Variants in ZNF483 observed in about 807,000 individuals in gnomAD.
The protein encoded by ZNF483 is zinc finger protein 483, also known as zinc finger protein HIT-10.
ZNF483 carries 9 observed loss-of-function variants against 28.6 expected under a neutral mutation model. That is an observed-to-expected ratio of 0.32 (90% CI 0.19 to 0.55). The LOEUF is 0.55. Ranked by LOEUF, ZNF483 falls within the 20% of genes least tolerant of loss-of-function variation. The pLI is 0.93. For synonymous variants in ZNF483, 322 were observed against 306.2 expected, an observed-to-expected ratio of 1.05 and a Z score of -0.54; for missense variants, 675 against 871.7, an observed-to-expected ratio of 0.77 and a Z score of 2.84.
In ZNF483 at chr9:111,535,900, C is replaced by CTT. The variant is rs571414598; in HGVS notation, c.721+1560_721+1561dup. On this transcript the variant is annotated intron_variant, in intron 5 of 5. Coordinates refer to ENST00000309235, the MANE Select transcript of ZNF483 (RefSeq NM_133464.5). ...CTTACAATTTATATATATTATTATT[C>CTT]TTTTTTTTTTTTTTGAGACAGAGTT... Among the ~76,000 whole-genome samples the CTT allele has an allele frequency of 1.0e-3, 137 of 132,166 alleles. 2 individuals carry two copies. Among genetic ancestry groups the CTT allele is most frequent in the Admixed American group, 1.7e-3 (22 of 12,934 alleles). The allele number at this position is 132,166 out of a possible 152,430, so 86.7% of individuals were successfully genotyped here.
At chr9:111,556,414 T>C (rs1046743054), downstream of ZNF483, among the ~76,000 whole-genome samples, 5 of 152,238 alleles carry the variant, frequency 3.3e-5, no homozygotes, top group African/African-American at 1.2e-4. Context: ...AGCTCCACTG[T>C]GTAGGGGGCT....
chr9:111,534,642 G>A (rs1234538082), intron 5 of ZNF483, among the ~76,000 whole-genome samples: 1 of 151,680 alleles, frequency 6.6e-6, no homozygotes, highest in Non-Finnish European at 1.5e-5. Context: ...CATAATGCTG[G>A]TCTAACCCCT....
chr9:111,539,376 G>A, intron 5 of ZNF483: 1 of 451,256 alleles, frequency 2.2e-6, no homozygotes. Flanking sequence ...CTCCTCATGT[G>A]TCATTTAAAG....
At position 111,553,546 on chromosome 9, in the gene ZNF483, G is replaced by GA. The variant is rs541993481; in HGVS notation, c.*10385dup. ...CATTGTGATTTTACATCCGTGCATA[G>GA]AAAAAAAAATCATCTGAACTCAAAT... On this transcript the variant is annotated 3_prime_UTR_variant, in exon 6 of 6. Coordinates refer to ENST00000309235, the MANE Select transcript of ZNF483 (RefSeq NM_133464.5). Among the ~76,000 whole-genome samples the GA allele has an allele frequency of 4.0e-5, 6 of 150,988 alleles. No homozygotes were observed. Among genetic ancestry groups the GA allele is most frequent in the East Asian group, 1.9e-4 (1 of 5,176 alleles).
At chr9:111,538,329 G>A (rs1326300336) in intron 5 of ZNF483, among the ~76,000 whole-genome samples, 1 of 151,982 alleles carries the variant, frequency 6.6e-6, no homozygotes, top group Non-Finnish European at 1.5e-5. Flanking sequence ...AGCCTGGGCA[G>A]CATAGTGAGA....
Position 111,576,599 on chromosome 9 carries a change from G to C in ZNF483, c.*185G>C, listed in dbSNP as rs1031393468. 2.8e-5 allele frequency: 17 copies of C among 605,632 alleles called. No homozygotes were observed. The African/African-American group carries it at 3.2e-4, about 11-fold the overall frequency. 37.5% of individuals were successfully genotyped at this position (605,632 alleles called of 1,614,324 possible). On this transcript the variant is annotated 3_prime_UTR_variant, in exon 6 of 6. Coordinates refer to the ZNF483 transcript ENST00000358151. Reference sequence around the variant, plus strand: ...ACTTAACACTTCTGAACCTCCTTTTGTCTTTCATAAAATAAAAGCTACTAG... The same window carrying C: ...ACTTAACACTTCTGAACCTCCTTTTCTCTTTCATAAAATAAAAGCTACTAG...
rs905262787 is a variant in ZNF483 at position 111,554,235 on chromosome 9, C to T, written c.*11065C>T. The stretch of plus-strand genomic sequence containing the variant: ...AGTTAATGGGTTTTTTGTTTGTTTG[C>T]CTGGGAGCATTGTGGAAAAATGGCC... On this transcript the variant is annotated 3_prime_UTR_variant, in exon 6 of 6. Transcript: ENST00000309235. Among the ~76,000 whole-genome samples, 2 of 152,062 alleles carry T rather than the reference C, an allele frequency of 1.3e-5. No homozygotes were observed. The highest frequency in any genetic ancestry group is 2.4e-5 in the African/African-American group (1 of 41,396).
Position 111,542,430 on chromosome 9 carries a change from G to T in ZNF483, c.1495G>T (p.Asp499Tyr). 6.2e-7 allele frequency: 1 copy of T among 1,614,138 alleles called. No individual in the cohort carries two copies. The highest frequency in any genetic ancestry group is 8.5e-7 in the Non-Finnish European group (1 of 1,180,018). Residue 499 changes from aspartate (D) to tyrosine (Y), a missense_variant, in exon 6 of 6, where the codon GAC becomes TAC. Transcript: ENST00000309235. This position sits in a 1 kb window ranked among gnomAD's most constrained non-coding sequence, Gnocchi z 6.2. ...HSGEKPFKCDDCGKGFTLSAH... is the reference protein window; with the variant it reads ...HSGEKPFKCDYCGKGFTLSAH... ...TGGAGAGAAACCCTTCAAATGTGATGACTGTGGGAAAGGTTTCACCCTAAG... is the reference window on the plus strand; with the variant it reads ...TGGAGAGAAACCCTTCAAATGTGATTACTGTGGGAAAGGTTTCACCCTAAG...
chr9:111,556,637 C>A (rs528921049), downstream of ZNF483, among the ~76,000 whole-genome samples: 2 of 152,172 alleles, frequency 1.3e-5, no homozygotes, highest in Non-Finnish European at 2.9e-5. Context: ...TCCAATGCTG[C>A]GGGAGGGACC....
At chr9:111,533,684 T>A in intron 3 of ZNF483, 55 bp from the exon 4 acceptor site, 1 of 1,486,738 alleles carries the variant, frequency 6.7e-7, no homozygotes, top group South Asian at 1.4e-5. Context: ...AAAAAAAAAG[T>A]ACTTAGGTTC....
downstream of ZNF483, among the ~76,000 whole-genome samples, chr9:111,557,687 C>T (rs1275284064): frequency 3.3e-5 from 5 of 152,076 alleles, no homozygotes; most frequent in African/African-American, 1.2e-4. Flanking sequence ...ACCTCGGCCT[C>T]CCTAAGTGCT....
At chr9:111,536,813 CA>C (rs1827515159) in intron 5 of ZNF483, among the ~76,000 whole-genome samples, 2 of 150,148 alleles carry the variant, frequency 1.3e-5, no homozygotes, top group Non-Finnish European at 2.9e-5. Flanking sequence ...ATAACATAAA[CA>C]TAATTACATA....
chr9:111,550,251 T>C lies in ZNF483; in HGVS notation c.*7081T>C, dbSNP rs1037681442. Among the ~76,000 whole-genome samples, 1 of 152,134 alleles carries C rather than the reference T, an allele frequency of 6.6e-6. No individual in the cohort carries two copies. Among genetic ancestry groups the C allele is most frequent in the African/African-American group, 2.4e-5 (1 of 41,410 alleles). On this transcript the variant is annotated 3_prime_UTR_variant, in exon 6 of 6. Coordinates refer to ENST00000309235, the MANE Select transcript of ZNF483 (RefSeq NM_133464.5). Reference sequence around the variant, plus strand: ...TTTTTTGAATGTCCAGAAAAACAGGTTTCATCCCTTTTTTCTCCTGGAAGC... The same window carrying C: ...TTTTTTGAATGTCCAGAAAAACAGGCTTCATCCCTTTTTTCTCCTGGAAGC...
At chr9:111,561,136 G>C (rs1828294620) in intron 5 of ZNF483, among the ~76,000 whole-genome samples, 1 of 52,114 alleles carries the variant, frequency 1.9e-5, no homozygotes, top group East Asian at 4.6e-4. Context: ...GAGAGAGAGA[G>C]AGGAGAGAGA....
Position 111,532,260 on chromosome 9 carries a change from G to C in ZNF483, c.501+1297G>C, listed in dbSNP as rs1465179713. On this transcript the variant is annotated intron_variant, in intron 3 of 5. Coordinates refer to ENST00000309235, the MANE Select transcript of ZNF483 (RefSeq NM_133464.5). ...GACAGTCTTTCACTTGAGCCTGGGA[G>C]GTTGAGGCTGCAGTGAGCTATGATT... Among the ~76,000 whole-genome samples the C allele has an allele frequency of 2.0e-5, 3 of 152,182 alleles. No individual in the cohort carries two copies. The South Asian group carries it at 6.2e-4, about 31-fold the overall frequency.
chr9:111,561,142 A>AG lies in ZNF483; in HGVS notation c.722-15222dup, dbSNP rs1564608061. ...AGAGAGAGAGAGAGAGAGAGAGGAG[A>AG]GAGAGGGAGAGAGAGAGAGAGAGAG... On this transcript the variant is annotated intron_variant, in intron 5 of 5. Coordinates refer to the ZNF483 transcript ENST00000358151. Among the ~76,000 whole-genome samples the AG allele has an allele frequency of 5.0e-4, 23 of 45,988 alleles. 4 individuals are homozygous for AG. Among genetic ancestry groups the AG allele is most frequent in the African/African-American group, 1.7e-3 (12 of 6,872 alleles). The allele number at this position is 45,988 out of a possible 152,430, so 30.2% of individuals were successfully genotyped here.
chr9:111,558,524 T>C (rs79824527), downstream of ZNF483, among the ~76,000 whole-genome samples: 11,010 of 152,158 alleles, frequency 0.072, 619 homozygotes, highest in East Asian at 0.26. Context: ...AAAAGAAAAC[T>C]GAAAATGTTG....
Position 111,542,036 on chromosome 9 carries a change from C to T in ZNF483, c.1101C>T (p.Val367=), listed in dbSNP as rs139879688. 37 of 1,613,906 alleles carry T rather than the reference C, an allele frequency of 2.3e-5. No homozygotes were observed. Among genetic ancestry groups the T allele is most frequent in the Non-Finnish European group, 3.1e-5 (36 of 1,179,984 alleles). Reference sequence around the variant, plus strand: ...GGAAATCTAATGATGGTGGGAAAGTCCTGAGTCACTCTTCAGCTCTTACTG... The same window carrying T: ...GGAAATCTAATGATGGTGGGAAAGTTCTGAGTCACTCTTCAGCTCTTACTG... The part of the protein sequence containing the change: ...KSRKSNDGGK[V]LSHSSALTEH... The change falls in exon 6 of 6, where the codon GTC becomes GTT. Residue 367 remains valine (V), a synonymous_variant. Coordinates refer to ENST00000309235, the MANE Select transcript of ZNF483 (RefSeq NM_133464.5). This position sits in a 1 kb window ranked among gnomAD's most constrained non-coding sequence, Gnocchi z 6.2.
At chr9:111,556,734 A>G (rs932541578), downstream of ZNF483, among the ~76,000 whole-genome samples, 10 of 152,110 alleles carry the variant, frequency 6.6e-5, no homozygotes, top group African/African-American at 2.2e-4. Flanking sequence ...GTTGTTTAGA[A>G]GTGTGTAGCA....
Sources: gnomAD v4.1 joint callset for allele counts (sites outside exome capture counted in the v4.1 genomes callset) on GRCh38, gnomAD v4.1.1 for gene constraint, Gnocchi (gnomAD v3.1) non-coding constraint, MANE v1.5 for transcripts, NCBI Gene and HGNC (gene_info 2026-07-23, HGNC 2026-07-21) for gene names.